HCN1: variants seen among roughly 807,000 people sequenced by gnomAD.
HCN1 encodes potassium/sodium hyperpolarization-activated cyclic nucleotide-gated channel 1.
HCN1 carries 13 observed loss-of-function variants against 78.9 expected under a neutral mutation model. The observed-to-expected ratio is 0.16, with a 90% CI of 0.11 to 0.26. The LOEUF (loss-of-function observed/expected upper bound fraction) is 0.26. Among genes scored for constraint, HCN1 ranks in the 10% least tolerant of loss-of-function variants. HCN1 has a pLI of 1.00. For synonymous variants in HCN1, 552 were observed against 455.5 expected, an observed-to-expected ratio of 1.21 and a Z score of -2.70; for missense variants, 810 against 1,154.3, an observed-to-expected ratio of 0.70 and a Z score of 4.32.
intron 6 of HCN1, among the ~76,000 whole-genome samples, chr5:45,294,669 A>G (rs1745452307): frequency 6.6e-6 from 1 of 152,068 alleles, no homozygotes; most frequent in African/African-American, 2.4e-5. Flanking sequence ...ATGGTTTGTT[A>G]ATGGCATTTT....
intron 2 of HCN1, among the ~76,000 whole-genome samples, chr5:45,479,374 T>C (rs1263776597): frequency 1.3e-5 from 2 of 152,164 alleles, no homozygotes; most frequent in Non-Finnish European, 2.9e-5. Context: ...GGGTTTTGAA[T>C]AGGGAATGAA....
At chr5:45,592,695 A>C (rs189029984) in intron 2 of HCN1, among the ~76,000 whole-genome samples, 1 of 152,294 alleles carries the variant, frequency 6.6e-6, no homozygotes, top group Admixed American at 6.5e-5. Context: ...TGTTAGTTTT[A>C]ACATCACTGT....
intron 2 of HCN1, among the ~76,000 whole-genome samples, chr5:45,621,332 T>C (rs1392817642): frequency 6.6e-6 from 1 of 151,882 alleles, no homozygotes; most frequent in Admixed American, 6.6e-5. Context: ...CTTTTTTTTT[T>C]CCTCCAGAAG....
chr5:45,411,412 C>T (rs1230493987), intron 3 of HCN1, among the ~76,000 whole-genome samples: 4 of 151,058 alleles, frequency 2.6e-5, no homozygotes, highest in Middle Eastern at 3.4e-3. Context: ...GTGATTCAGG[C>T]GTAATTCCTA....
In HCN1 at chr5:45,529,618, T is replaced by A. The variant is rs904244100; in HGVS notation, c.850-67611A>T. Among the ~76,000 whole-genome samples, 12 of 152,144 alleles carry A rather than the reference T, an allele frequency of 7.9e-5. No homozygotes were observed. In the East Asian group the frequency reaches 2.3e-3, roughly 29 times the overall value. ...AGTCATTTTGATCAAATCCAAATGG[T>A]GTCTTTGGCGGAATACCAAATTAAA... On this transcript the variant is annotated intron_variant, in intron 2 of 7. Transcript: ENST00000303230.
intron 2 of HCN1, among the ~76,000 whole-genome samples, chr5:45,542,446 C>A (rs922298269): frequency 1.3e-5 from 2 of 151,684 alleles, no homozygotes; most frequent in Admixed American, 6.6e-5. Flanking sequence ...TCTTACATAT[C>A]TGTTAACATA....
intron 4 of HCN1, among the ~76,000 whole-genome samples, chr5:45,371,074 T>C (rs1561127154): frequency 6.6e-6 from 1 of 151,972 alleles, no homozygotes; most frequent in Admixed American, 6.6e-5. Flanking sequence ...ATGAGAATTT[T>C]GAAAAGCAGT....
chr5:45,681,271 G>T (rs1739696716), intron 1 of HCN1, among the ~76,000 whole-genome samples: 1 of 152,048 alleles, frequency 6.6e-6, no homozygotes, highest in Admixed American at 6.6e-5. Context: ...TTTTCAGGTT[G>T]CTGGGGATAG....
chr5:45,569,727 C>A (rs1743785788), intron 2 of HCN1, among the ~76,000 whole-genome samples: 1 of 151,836 alleles, frequency 6.6e-6, no homozygotes, highest in Non-Finnish European at 1.5e-5. Flanking sequence ...AACTTTATAT[C>A]TAAAGTCTTA....
chr5:45,262,954 A>G (rs1163595782), intron 7 of HCN1, 144 bp from the exon 8 acceptor site: 1 of 800,878 alleles, frequency 1.2e-6, no homozygotes, highest in African/African-American at 1.7e-5. Context: ...TTACACACCA[A>G]ATACCAATGT....
chr5:45,358,813 C>A (rs747560852), intron 4 of HCN1, among the ~76,000 whole-genome samples: 1 of 152,036 alleles, frequency 6.6e-6, no homozygotes, highest in African/African-American at 2.4e-5. Context: ...CTTTTCCTGA[C>A]GCCCCGCTTG....
chr5:45,264,681 G>T (rs1333822609), intron 7 of HCN1, among the ~76,000 whole-genome samples: 1 of 152,000 alleles, frequency 6.6e-6, no homozygotes, highest in Non-Finnish European at 1.5e-5. Context: ...ACATCTATAT[G>T]CAATGGCCAC....
Position 45,602,340 on chromosome 5 carries a change from G to T in HCN1, c.849+42845C>A, listed in dbSNP as rs558009951. On this transcript the variant is annotated intron_variant, in intron 2 of 7. Coordinates refer to ENST00000303230, the MANE Select transcript of HCN1 (RefSeq NM_021072.4). ...ATGACCAGTATACTTATAAGAAGAGGTCATTTGGACACACAAAGAGACGTC... is the reference window on the plus strand; with the variant it reads ...ATGACCAGTATACTTATAAGAAGAGTTCATTTGGACACACAAAGAGACGTC... Among the ~76,000 whole-genome samples, 7 of 152,178 alleles carry T rather than the reference G, an allele frequency of 4.6e-5. No individual in the cohort carries two copies. The South Asian group carries it at 1.4e-3, about 31-fold the overall frequency.
chr5:45,363,902 C>G (rs1252872060), intron 4 of HCN1, among the ~76,000 whole-genome samples: 1 of 151,992 alleles, frequency 6.6e-6, no homozygotes, highest in East Asian at 1.9e-4. Flanking sequence ...TCGGGTATGT[C>G]TTTATCAGCA....
chr5:45,274,555 G>C (rs148228430), intron 6 of HCN1, among the ~76,000 whole-genome samples: 1 of 152,144 alleles, frequency 6.6e-6, no homozygotes, highest in Non-Finnish European at 1.5e-5. Context: ...GTGGGTACTC[G>C]TAAAACATTA....
chr5:45,664,453 A>C (rs1478494638), intron 1 of HCN1, among the ~76,000 whole-genome samples: 1 of 147,180 alleles, frequency 6.8e-6, no homozygotes, highest in South Asian at 2.2e-4. Context: ...AACTTAAAGT[A>C]TAATAATAAT....
chr5:45,262,087 G>A lies in HCN1; in HGVS notation c.2507C>T (p.Pro836Leu), dbSNP rs368989823. The A allele has an allele frequency of 9.9e-6, 16 of 1,612,966 alleles. No homozygotes were observed. The highest frequency in any genetic ancestry group is 1.3e-5 in the African/African-American group (1 of 74,920). ...GLQAGGRSTV[P>L]QRVTLFRQMS... Reference sequence around the variant, plus strand: ...CTGTCGGAAGAGGGTGACGCGCTGCGGGACAGTGCTCCTGCCCCCTGCCTG... The same window carrying A: ...CTGTCGGAAGAGGGTGACGCGCTGCAGGACAGTGCTCCTGCCCCCTGCCTG... The change falls in exon 8 of 8, where the codon CCG becomes CTG. Residue 836 changes from proline to leucine, a missense_variant. Around this residue, in one of 6 missense-constraint regions of HCN1, gnomAD observed 398 missense variants for 381.3 expected, o/e 1.04. Transcript: ENST00000303230.
intron 2 of HCN1, among the ~76,000 whole-genome samples, chr5:45,535,068 G>A (rs967242421): frequency 9.2e-5 from 14 of 152,050 alleles, no homozygotes; most frequent in African/African-American, 2.4e-4. Context: ...ATTAAATCAC[G>A]CACTATAAAA....
chr5:45,610,506 A>C (rs1480299899), intron 2 of HCN1, among the ~76,000 whole-genome samples: 3 of 150,218 alleles, frequency 2.0e-5, no homozygotes, highest in Non-Finnish European at 4.4e-5. Flanking sequence ...TCTTTATAAA[A>C]TATAGAATAT....
Sources: allele counts gnomAD v4.1 joint callset (sites outside exome capture counted in the v4.1 genomes callset), GRCh38; gene constraint gnomAD v4.1.1; regional missense constraint gnomAD v4.1.1; transcripts MANE v1.5; gene names NCBI Gene and HGNC (gene_info 2026-07-23, HGNC 2026-07-21).